The following SNX13 variants were observed in gnomAD, a reference collection of about 807,000 sequenced individuals.
SNX13 encodes sorting nexin 13, also known as sorting nexin-13.
A neutral mutation model predicts 133.6 loss-of-function variants in SNX13; 45 were observed. That is an observed-to-expected ratio of 0.34 (90% CI 0.27 to 0.43). The LOEUF is 0.43. SNX13 is among the 20% of genes least tolerant of loss of function. SNX13 has a pLI of 1.00. For synonymous variants in SNX13, 414 were observed against 373.9 expected, an observed-to-expected ratio of 1.11 and a Z score of -1.24; for missense variants, 1,032 against 1,145.1, an observed-to-expected ratio of 0.90 and a Z score of 1.43.
intron 5 of SNX13, among the ~76,000 whole-genome samples, chr7:17,886,163 C>T (rs1050210647): frequency 6.6e-6 from 1 of 152,126 alleles, no homozygotes; most frequent in African/African-American, 2.4e-5. Flanking sequence ...CTATCATTCC[C>T]TGTGATACTA....
At chr7:17,851,760 TG>T (rs1791241099) in intron 9 of SNX13, among the ~76,000 whole-genome samples, 2 of 151,616 alleles carry the variant, frequency 1.3e-5, no homozygotes, top group South Asian at 4.2e-4. Flanking sequence ...ATTATGAGGG[TG>T]TTTTTGGCAA....
intron 11 of SNX13, among the ~76,000 whole-genome samples, chr7:17,848,679 A>G (rs1790836639): frequency 6.6e-6 from 1 of 152,188 alleles, no homozygotes; most frequent in African/African-American, 2.4e-5. Flanking sequence ...GGTGGAATAC[A>G]GTGGGTCCGA....
chr7:17,805,255 G>GCA (rs1785131066), intron 20 of SNX13, among the ~76,000 whole-genome samples: 1 of 86,764 alleles, frequency 1.2e-5, no homozygotes, highest in South Asian at 2.9e-4. Context: ...GTGTGTGCGT[G>GCA]CGCGCGCGCG....
At chr7:17,938,654 T>C (rs1802392748) in intron 1 of SNX13, among the ~76,000 whole-genome samples, 1 of 152,172 alleles carries the variant, frequency 6.6e-6, no homozygotes, top group African/African-American at 2.4e-5. Flanking sequence ...AAACGCAAAA[T>C]TGCATTAAAA....
chr7:17,852,620 A>G (rs1395039532), intron 9 of SNX13, among the ~76,000 whole-genome samples: 2 of 152,236 alleles, frequency 1.3e-5, no homozygotes, highest in Non-Finnish European at 2.9e-5. Flanking sequence ...AAAAATAAGC[A>G]GGAGTAAAGA....
intron 3 of SNX13, among the ~76,000 whole-genome samples, chr7:17,891,853 A>G (rs534078257): frequency 6.6e-4 from 101 of 152,206 alleles, no homozygotes; most frequent in African/African-American, 2.4e-3. Context: ...TAATCAGCAA[A>G]AATTATTTAG....
chr7:17,865,609 T>C (rs1793299172), intron 9 of SNX13, among the ~76,000 whole-genome samples: 1 of 152,162 alleles, frequency 6.6e-6, no homozygotes, highest in Non-Finnish European at 1.5e-5. Flanking sequence ...AATAACCTTT[T>C]TCACAGAAAT....
intron 1 of SNX13, among the ~76,000 whole-genome samples, chr7:17,925,413 ATATGAAT>A (rs1267045742): frequency 3.9e-5 from 6 of 152,198 alleles, no homozygotes; most frequent in Non-Finnish European, 8.8e-5. Flanking sequence ...ATTGCATGGT[ATATGAAT>A]TATATCTCAA....
chr7:17,796,885 T>A lies in SNX13; in HGVS notation c.2568A>T (p.Lys856Asn), dbSNP rs759566644. Residue 856 changes from lysine (K) to asparagine (N), a missense_variant, in exon 25 of 26, where the codon AAA becomes AAT. Transcript: ENST00000428135. ...ILAEAVPCRDKSIRMRTRVAG... is the reference protein window; with the variant it reads ...ILAEAVPCRDNSIRMRTRVAG... Reference sequence around the variant, plus strand: ...CTACTCTTGTTCTCATTCGAATACTTTTATCTCTGCATGGAACAGCCTCTG... The same window carrying A: ...CTACTCTTGTTCTCATTCGAATACTATTATCTCTGCATGGAACAGCCTCTG... 8.1e-6 allele frequency: 13 copies of A among 1,611,266 alleles called. No homozygotes were observed. In the African/African-American group the frequency reaches 1.7e-4, roughly 22 times the overall value.
intron 14 of SNX13, 65 bp from the exon 15 acceptor site, chr7:17,834,249 A>T (rs1308468126): frequency 1.5e-6 from 2 of 1,368,632 alleles, no homozygotes; most frequent in East Asian, 4.9e-5. Flanking sequence ...TACAAAACAC[A>T]ATTTCACCAA....
At chr7:17,845,453 TACA>T (rs1393664372) in intron 12 of SNX13, 139 bp downstream of exon 12, 1 of 561,786 alleles carries the variant, frequency 1.8e-6, no homozygotes, top group Non-Finnish European at 3.1e-6. Context: ...GGAGACTCTG[TACA>T]ACATCATGAA....
In SNX13 at chr7:17,805,234, TGTGTGTGTGTGTGTGTGC is replaced by T. The variant is rs1382168856; in HGVS notation, c.2065-1672_2065-1655del. ...CTTTGTGTGTGTGTGTGTGTGTGTG[TGTGTGTGTGTGTGTGTGC>T]GTGCGCGCGCGCGCATGCATGCACA... On this transcript the variant is annotated intron_variant, in intron 20 of 25. Transcript: ENST00000428135. 2.5e-3 allele frequency among the ~76,000 whole-genome samples: 286 copies of T among 112,516 alleles called. 1 individual carries two copies. Among genetic ancestry groups the T allele is most frequent in the African/African-American group, 8.3e-3 (268 of 32,362 alleles). The allele number at this position is 112,516 out of a possible 152,430, so 73.8% of individuals were successfully genotyped here.
chr7:17,873,168 G>A (rs995082636), intron 8 of SNX13, among the ~76,000 whole-genome samples: 1 of 152,136 alleles, frequency 6.6e-6, no homozygotes, highest in Non-Finnish European at 1.5e-5. Flanking sequence ...TGAACCTGAA[G>A]TTCCCCCGAA....
chr7:17,797,018 C>A, intron 24 of SNX13, 79 bp from the exon 25 acceptor site: 1 of 1,101,360 alleles, frequency 9.1e-7, no homozygotes. Flanking sequence ...TTTCAAATTT[C>A]TACAGAAAAT....
intron 2 of SNX13, among the ~76,000 whole-genome samples, chr7:17,894,075 G>C (rs1796941465): frequency 6.6e-6 from 1 of 151,066 alleles, no homozygotes; most frequent in South Asian, 2.1e-4. Context: ...GGCCGAGGCA[G>C]GTGGCTCATC....
intron 25 of SNX13, 165 bp from the exon 26 acceptor site, chr7:17,794,457 T>C (rs1783839034): frequency 1.3e-6 from 1 of 764,818 alleles, no homozygotes; most frequent in African/African-American, 1.8e-5. Flanking sequence ...ATATGCATCT[T>C]TGCATGCATG....
At chr7:17,873,907 C>T (rs1794401375) in intron 7 of SNX13, among the ~76,000 whole-genome samples, 1 of 151,978 alleles carries the variant, frequency 6.6e-6, no homozygotes, top group Admixed American at 6.5e-5. Context: ...TTTAGATGGA[C>T]CAGGTACTCT....
chr7:17,893,256 A>G, intron 3 of SNX13, 76 bp downstream of exon 3: 1 of 972,604 alleles, frequency 1.0e-6, no homozygotes, highest in East Asian at 2.7e-5. Context: ...TTGTCACGCT[A>G]TATATACAGA....
chr7:17,794,664 A>C (rs557613413), intron 25 of SNX13: 1 of 163,168 alleles, frequency 6.1e-6, no homozygotes, highest in African/African-American at 2.4e-5. Context: ...CATCCTTATA[A>C]GGATTTATAA....
Sources: allele counts gnomAD v4.1 joint callset (sites outside exome capture counted in the v4.1 genomes callset), GRCh38; gene constraint gnomAD v4.1.1; transcripts MANE v1.5; gene names NCBI Gene and HGNC (gene_info 2026-07-23, HGNC 2026-07-21).